Variants in TRPM6 observed in about 807,000 individuals in gnomAD.
The protein encoded by TRPM6 is channel kinase 2.
Under a neutral mutation model 247.6 loss-of-function variants are expected in TRPM6, and 111 were observed. The ratio of observed to expected loss-of-function variants is 0.45; its 90% confidence interval spans 0.38 to 0.52. The LOEUF (loss-of-function observed/expected upper bound fraction) is 0.52, where lower values mean the gene tolerates loss of function less well. Ranked by LOEUF, TRPM6 falls within the 20% of genes least tolerant of loss-of-function variation. TRPM6 has a pLI of 0.00. For missense variants in TRPM6, 2,126 were observed against 2,421.5 expected, an observed-to-expected ratio of 0.88 and a Z score of 2.56; for synonymous variants, 892 against 853.8, an observed-to-expected ratio of 1.04 and a Z score of -0.78.
chr9:74,793,828 GGAAA>G (rs144825392), intron 18 of TRPM6, among the ~76,000 whole-genome samples: 3,356 of 152,174 alleles, frequency 0.022, 121 homozygotes, highest in African/African-American at 0.076. Flanking sequence ...ATTTTTCTGG[GGAAA>G]GAATCAGATT....
rs187656054 is a variant in TRPM6, at chr9:74,833,983, G to A, written c.669+15C>T. The A allele has an allele frequency of 5.3e-4, 848 of 1,613,682 alleles. No individual in the cohort carries two copies. The highest frequency in any genetic ancestry group is 7.0e-4 in the Non-Finnish European group (827 of 1,179,716). On this transcript the variant is annotated intron_variant, in intron 6 of 38. Transcript: ENST00000360774. ...GTGTTCGTTTGCTTTTGTTATGAAA[G>A]GATTGTCTACTTACATCTTTTCCAA...
At chr9:74,726,861 C>A (rs12683421) in intron 38 of TRPM6, among the ~76,000 whole-genome samples, 9,640 of 152,268 alleles carry the variant, frequency 0.063, 377 homozygotes, top group East Asian at 0.14. Flanking sequence ...CCAGTCCCAG[C>A]CCCTTCCTGA....
At chr9:74,803,020 C>T (rs913498118) in intron 15 of TRPM6, among the ~76,000 whole-genome samples, 1 of 152,086 alleles carries the variant, frequency 6.6e-6, no homozygotes, top group South Asian at 2.1e-4. Flanking sequence ...CTGGCAAATA[C>T]TAAAGATTCA....
chr9:74,856,415 G>C (rs1830523217), intron 2 of TRPM6, among the ~76,000 whole-genome samples: 1 of 151,894 alleles, frequency 6.6e-6, no homozygotes, highest in Non-Finnish European at 1.5e-5. Flanking sequence ...ACTGCAACGT[G>C]GGGGACACAG....
In TRPM6 at chr9:74,842,035, C is replaced by T. The variant is rs193095597; in HGVS notation, c.330+131G>A. On this transcript the variant is annotated intron_variant, in intron 4 of 38. Transcript: ENST00000360774. ...TTGAGGCAGGAGAATCACTTGAACC[C>T]GGGAGGCAGAGGTTGCAGTGCGCCG... The T allele has an allele frequency of 1.1e-3, 1,030 of 971,622 alleles. 7 individuals carry two copies. The highest frequency in any genetic ancestry group is 3.8e-4 in the Non-Finnish European group (243 of 640,016). 60.2% of individuals were successfully genotyped at this position (971,622 alleles called of 1,614,324 possible).
intron 36 of TRPM6, among the ~76,000 whole-genome samples, chr9:74,736,321 A>G (rs1025331950): frequency 8.5e-5 from 13 of 152,180 alleles, no homozygotes; most frequent in African/African-American, 2.7e-4. Context: ...TCCTCCTCCT[A>G]ACTGCTGCTG....
At chr9:74,848,758 C>T (rs1194834037) in intron 3 of TRPM6, among the ~76,000 whole-genome samples, 2 of 152,090 alleles carry the variant, frequency 1.3e-5, no homozygotes, top group African/African-American at 2.4e-5. Context: ...TTCTGATGCA[C>T]AATTAATTCC....
chr9:74,818,990 C>A (rs549984733), intron 9 of TRPM6, among the ~76,000 whole-genome samples: 2 of 152,034 alleles, frequency 1.3e-5, no homozygotes, highest in Non-Finnish European at 2.9e-5. Flanking sequence ...TTGTCAGCTT[C>A]ATATCATCTG....
chr9:74,851,435 G>C (rs1830309022), intron 3 of TRPM6, among the ~76,000 whole-genome samples: 1 of 152,032 alleles, frequency 6.6e-6, no homozygotes, highest in Admixed American at 6.6e-5. Flanking sequence ...CAGGGAACAT[G>C]ACAAGGTGAT....
chr9:74,736,791 C>T (rs1175389618), intron 36 of TRPM6, among the ~76,000 whole-genome samples: 2 of 152,144 alleles, frequency 1.3e-5, no homozygotes, highest in South Asian at 2.1e-4. Context: ...TTCTCTTTTT[C>T]CCTCAAGACT....
chr9:74,800,833 T>G (rs9942942), intron 16 of TRPM6, among the ~76,000 whole-genome samples: 36,072 of 151,064 alleles, frequency 0.24, 4,435 homozygotes, highest in African/African-American at 0.28. Context: ...ATAGCTTGGT[T>G]TGGGACTTAT....
intron 19 of TRPM6, among the ~76,000 whole-genome samples, chr9:74,791,960 T>C (rs7030290): frequency 0.28 from 42,393 of 151,912 alleles, 6,098 homozygotes; most frequent in African/African-American, 0.35. Context: ...GGTTTCACCA[T>C]GTTACCCAGG....
intron 31 of TRPM6, among the ~76,000 whole-genome samples, chr9:74,747,664 ACAGT>A (rs1423797761): frequency 6.6e-6 from 1 of 152,230 alleles, no homozygotes; most frequent in African/African-American, 2.4e-5. Flanking sequence ...TGGAGAAATA[ACAGT>A]CAGAAACAGT....
chr9:74,810,264 A>C (rs552051731), intron 13 of TRPM6, among the ~76,000 whole-genome samples: 1 of 152,318 alleles, frequency 6.6e-6, no homozygotes, highest in Non-Finnish European at 1.5e-5. Flanking sequence ...ACTAATGGGA[A>C]ATCAAATACT....
intron 24 of TRPM6, among the ~76,000 whole-genome samples, chr9:74,772,095 G>A (rs1462073749): frequency 1.3e-5 from 2 of 152,270 alleles, no homozygotes; most frequent in East Asian, 3.9e-4. Context: ...TTAGAAACCA[G>A]CCTGGGCAAC....
At chr9:74,763,168 A>C (rs1277697472) in intron 25 of TRPM6, 34 bp from the exon 26 acceptor site, 2 of 1,595,684 alleles carry the variant, frequency 1.3e-6, no homozygotes, top group African/African-American at 2.7e-5. Context: ...ACCAACAAGC[A>C]CATTAAGCCA....
intron 11 of TRPM6, among the ~76,000 whole-genome samples, chr9:74,814,020 C>T (rs924028024): frequency 6.6e-6 from 1 of 152,176 alleles, no homozygotes; most frequent in African/African-American, 2.4e-5. Flanking sequence ...TTGCTTGAAT[C>T]TGAGAGGTGG....
intron 12 of TRPM6, among the ~76,000 whole-genome samples, 155 bp from the exon 13 acceptor site, chr9:74,811,023 G>T (rs1272657638): frequency 3.9e-5 from 6 of 152,150 alleles, no homozygotes; most frequent in Admixed American, 1.3e-4. Flanking sequence ...TCTAAAGAAG[G>T]TGTTTTCCAA....
intron 1 of TRPM6, among the ~76,000 whole-genome samples, chr9:74,872,540 C>T (rs1309873741): frequency 6.6e-6 from 1 of 152,160 alleles, no homozygotes; most frequent in East Asian, 1.9e-4. Context: ...AAGCAATTCT[C>T]CTGCCTTATC....
Sources: gnomAD v4.1 joint callset for allele counts (sites outside exome capture counted in the v4.1 genomes callset) on GRCh38, gnomAD v4.1.1 for gene constraint, MANE v1.5 for transcripts, NCBI Gene and HGNC (gene_info 2026-07-23, HGNC 2026-07-21) for gene names.